Variants in PCDHA9 observed in about 807,000 individuals in gnomAD.
The protein encoded by PCDHA9 is protocadherin alpha 9.
Under a neutral mutation model 62.0 loss-of-function variants are expected in PCDHA9, and 62 were observed. That is an observed-to-expected ratio of 1.00 (90% CI 0.81 to 1.23). The LOEUF (loss-of-function observed/expected upper bound fraction) is 1.23, where lower values mean the gene tolerates loss of function less well. PCDHA9 is among the 50% of genes most tolerant of loss of function. The pLI, the probability that PCDHA9 is intolerant of heterozygous loss-of-function variation, is 0.00. For missense variants in PCDHA9, 1,205 were observed against 1,249.8 expected (o/e 0.96, Z 0.54); for synonymous variants, 557 against 567.6 (o/e 0.98, Z 0.27).
chr5:140,878,627 T>C (rs2057676475), intron 1 of PCDHA9, among the ~76,000 whole-genome samples: 1 of 152,236 alleles, frequency 6.6e-6, no homozygotes, highest in Non-Finnish European at 1.5e-5. Flanking sequence ...TTACATATTT[T>C]AACTTTCTAT....
intron 1 of PCDHA9, among the ~76,000 whole-genome samples, chr5:140,915,602 C>T (rs1298727977): frequency 6.6e-6 from 1 of 151,066 alleles, no homozygotes; most frequent in Non-Finnish European, 1.5e-5. Context: ...TTTTCCCTTA[C>T]TTTCTGTCAA....
At chr5:140,926,973 G>A in intron 1 of PCDHA9, 3 of 1,609,762 alleles carry the variant, frequency 1.9e-6, no homozygotes, top group African/African-American at 1.3e-5. Context: ...ACTCAGTGCC[G>A]GAGGAGACGG....
intron 1 of PCDHA9, among the ~76,000 whole-genome samples, chr5:140,961,085 T>C (rs1406733516): frequency 1.3e-5 from 2 of 152,230 alleles, no homozygotes; most frequent in East Asian, 3.8e-4. Flanking sequence ...CAAGTAATTG[T>C]TGACTTTTTG....
intron 3 of PCDHA9, among the ~76,000 whole-genome samples, chr5:140,995,639 A>G (rs1410943855): frequency 6.6e-6 from 1 of 152,190 alleles, no homozygotes; most frequent in Non-Finnish European, 1.5e-5. Context: ...TGGAGTGTTT[A>G]GAAAAGGAGA....
chr5:140,913,410 C>T (rs375204256), intron 1 of PCDHA9, among the ~76,000 whole-genome samples: 6 of 152,040 alleles, frequency 3.9e-5, no homozygotes, highest in African/African-American at 1.4e-4. Context: ...CCTTTGAATT[C>T]CTGCAGTATC....
chr5:140,876,349 T>G lies in PCDHA9; in HGVS notation c.2394+25460T>G, dbSNP rs781967314. On this transcript the variant is annotated intron_variant, in intron 1 of 3. Transcript: ENST00000532602. ...TTTGCCAGTGAGTGAGAAATGTATG[T>G]TTTCAATAAATCCAGACACAGGTGA... The G allele has an allele frequency of 3.2e-5, 52 of 1,613,894 alleles. No homozygotes were observed. In the South Asian group the frequency reaches 5.1e-4, roughly 16 times the overall value.
chr5:140,877,432 C>A (rs782574302), intron 1 of PCDHA9: 1 of 1,613,874 alleles, frequency 6.2e-7, no homozygotes, highest in Non-Finnish European at 8.5e-7. Flanking sequence ...GGTGAAGGAC[C>A]ACGGTGAGCC....
At chr5:140,929,319 T>C in intron 1 of PCDHA9, 1 of 1,545,486 alleles carries the variant, frequency 6.5e-7, no homozygotes, top group Non-Finnish European at 8.7e-7. Flanking sequence ...CTAATGTCAA[T>C]GCCATGGTAA....
At chr5:140,926,584 C>A in intron 1 of PCDHA9, 1 of 285,402 alleles carries the variant, frequency 3.5e-6, no homozygotes, top group Non-Finnish European at 6.4e-6. Context: ...GCACCTCTCG[C>A]GCCCGGGCGG....
At position 140,929,210 on chromosome 5, in the gene PCDHA9, G is replaced by A. The variant is rs782078369; in HGVS notation, c.2395-49739G>A. The A allele has an allele frequency of 1.9e-6, 3 of 1,613,952 alleles. No individual in the cohort carries two copies. The South Asian group carries it at 3.3e-5, about 18-fold the overall frequency. The stretch of plus-strand genomic sequence containing the variant: ...GATAATAACAGTTTGCTGTTGCGTG[G>A]GGAGTACAATGCTGCCGACCTGCGA... On this transcript the variant is annotated intron_variant, in intron 1 of 3. Transcript: ENST00000532602.
In PCDHA9 at chr5:140,850,431, C is replaced by T. The variant is rs2150484020; in HGVS notation, c.1936C>T (p.Arg646Cys). 1.9e-6 allele frequency: 3 copies of T among 1,597,912 alleles called. No homozygotes were observed. Among genetic ancestry groups the T allele is most frequent in the Non-Finnish European group, 1.7e-6 (2 of 1,167,734 alleles). ...GGACGAAACGGACGCACCGCGCCAG[C>T]GCCTACTGGTGCTGGTGAAAGACCA... Reference protein sequence around the residue: ...ALDETDAPRQRLLVLVKDHGE... With the variant: ...ALDETDAPRQCLLVLVKDHGE... The change falls in exon 1 of 4, where the codon CGC becomes TGC. Residue 646 changes from arginine (R) to cysteine (C), a missense_variant. Around this residue, in one of 3 missense-constraint regions of PCDHA9, gnomAD observed 887 missense variants for 809.5 expected, o/e 1.10. Coordinates refer to ENST00000532602, the MANE Select transcript of PCDHA9 (RefSeq NM_031857.2).
At position 140,893,180 on chromosome 5, in the gene PCDHA9, C is replaced by T. The variant is rs1388898676; in HGVS notation, c.2394+42291C>T. Among the ~76,000 whole-genome samples, 3 of 152,208 alleles carry T rather than the reference C, an allele frequency of 2.0e-5. No individual in the cohort carries two copies. In the South Asian group the frequency reaches 6.2e-4, roughly 31 times the overall value. On this transcript the variant is annotated intron_variant, in intron 1 of 3. Coordinates refer to ENST00000532602, the MANE Select transcript of PCDHA9 (RefSeq NM_031857.2). ...TATTGAGGTTGATTCCACATAGTAGCTATTGTGAATAGTGCTGCAGTAAGT... is the reference window on the plus strand; with the variant it reads ...TATTGAGGTTGATTCCACATAGTAGTTATTGTGAATAGTGCTGCAGTAAGT...
chr5:140,863,121 G>A, intron 1 of PCDHA9: 2 of 592,122 alleles, frequency 3.4e-6, no homozygotes, highest in South Asian at 2.7e-5. Context: ...CGAAAGCTAC[G>A]CGCCACCGCC....
chr5:140,952,873 A>G (rs1554220663), intron 1 of PCDHA9, among the ~76,000 whole-genome samples: 1 of 152,168 alleles, frequency 6.6e-6, no homozygotes, highest in South Asian at 2.1e-4. Context: ...GGAAACTTAC[A>G]ATCATGGTGG....
chr5:140,857,010 T>C (rs782647115), intron 1 of PCDHA9: 1 of 1,595,968 alleles, frequency 6.3e-7, no homozygotes, highest in South Asian at 1.1e-5. Context: ...CATGTAGATG[T>C]TACAGATAAG....
chr5:140,851,102 G>T (rs1439831567), intron 1 of PCDHA9: 1 of 1,288,512 alleles, frequency 7.8e-7, no homozygotes, highest in Non-Finnish European at 1.0e-6. Context: ...ATATTTTTTG[G>T]GTGCTGAATC....
At position 141,011,407 on chromosome 5, in the gene PCDHA9, G is replaced by A. The variant is rs782613069; in HGVS notation, c.*1470G>A. On this transcript the variant is annotated 3_prime_UTR_variant, in exon 4 of 4. Coordinates refer to ENST00000532602, the MANE Select transcript of PCDHA9 (RefSeq NM_031857.2). ...TGAAATATACTTACTCTGTGCTTGT[G>A]TATGTGAATGTTAATGCAACTATTA... is the stretch of plus-strand genomic sequence containing the variant. The A allele has an allele frequency of 2.0e-5, 3 of 153,718 alleles. No individual in the cohort carries two copies. The highest frequency in any genetic ancestry group is 6.5e-5 in the Admixed American group (1 of 15,284). The allele number at this position is 153,718 out of a possible 1,614,324, so 9.5% of individuals were successfully genotyped here.
At chr5:140,871,311 C>T (rs782501180) in intron 1 of PCDHA9, 9 of 1,613,922 alleles carry the variant, frequency 5.6e-6, no homozygotes, top group Non-Finnish European at 7.6e-6. Flanking sequence ...CGGGGAAGCC[C>T]ACGCTGGTGT....
rs782160195 is a variant in PCDHA9, at chr5:140,857,078, G to C, written c.2394+6189G>C. 17 of 1,597,076 alleles carry C rather than the reference G, an allele frequency of 1.1e-5. 2 individuals are homozygous for C. The highest frequency in any genetic ancestry group is 1.5e-5 in the Non-Finnish European group (17 of 1,166,812). On this transcript the variant is annotated intron_variant, in intron 1 of 3. Transcript: ENST00000532602. ...CCTAGTGGAACTACTGGATGAAAATGATAATTCACCTGAGGTGATTGTCAC... is the reference window on the plus strand; with the variant it reads ...CCTAGTGGAACTACTGGATGAAAATCATAATTCACCTGAGGTGATTGTCAC...
Sources: gnomAD v4.1 joint callset for allele counts (sites outside exome capture counted in the v4.1 genomes callset) on GRCh38, gnomAD v4.1.1 for gene constraint, gnomAD v4.1.1 regional missense constraint, MANE v1.5 for transcripts, NCBI Gene and HGNC (gene_info 2026-07-23, HGNC 2026-07-21) for gene names.